Variants in SLC29A2 observed in about 807,000 individuals in gnomAD.
SLC29A2 encodes the protein solute carrier family 29 member 2.
Under a neutral mutation model 48.8 loss-of-function variants are expected in SLC29A2, and 37 were observed. The observed-to-expected ratio is 0.76, with a 90% CI of 0.58 to 1.00. The LOEUF is 1.00. Ranked by LOEUF, SLC29A2 falls within the 50% of genes least tolerant of loss-of-function variation. The pLI is 0.00. For synonymous variants in SLC29A2, 233 were observed against 261.7 expected (o/e 0.89, Z 1.06); for missense variants, 533 against 578.6 (o/e 0.92, Z 0.81).
In SLC29A2 at chr11:66,368,597, GGAA is replaced by G. The variant is rs1855843831; in HGVS notation, c.487_489del (p.Phe163del). The G allele has an allele frequency of 6.2e-7, 1 of 1,610,214 alleles. No homozygotes were observed. The highest frequency in any genetic ancestry group is 1.3e-5 in the African/African-American group (1 of 74,894). ...ATCCCAGCCAGGCCCTGGCCGCTGA[GGAA>G]GAGGGTGCTGTAGGTGGAGGGCATG... is the stretch of plus-strand genomic sequence containing the variant. On this transcript the variant is annotated inframe_deletion, in exon 5 of 12. Coordinates refer to ENST00000357440, the MANE Select transcript of SLC29A2 (RefSeq NM_001532.3).
At chr11:66,369,284 T>A in intron 3 of SLC29A2, 85 bp from the exon 4 acceptor site, 2 of 1,596,958 alleles carry the variant, frequency 1.3e-6, no homozygotes, top group Non-Finnish European at 1.7e-6. Context: ...GGCTGGGCAG[T>A]AGGGCTGGGG....
chr11:66,363,756 G>T, intron 11 of SLC29A2: 1 of 587,090 alleles, frequency 1.7e-6, no homozygotes, highest in Non-Finnish European at 3.1e-6. Flanking sequence ...AACATGATGG[G>T]ATTCCAGATT....
upstream of SLC29A2, chr11:66,372,087 C>A (rs1856087727): frequency 6.4e-6 from 1 of 155,914 alleles, no homozygotes; most frequent in African/African-American, 2.4e-5. Context: ...CGAGGTGATG[C>A]CAGAGCCGCT....
In SLC29A2 at chr11:66,369,161, G is replaced by A. The variant is rs1228002214; in HGVS notation, c.314C>T (p.Ala105Val). Reference sequence around the variant, plus strand: ...TGTCAGGGCAAAGAGCAGCAGTATGGCCAGCAGGCTGCCCAGAATGCGCAC... The same window carrying A: ...TGTCAGGGCAAAGAGCAGCAGTATGACCAGCAGGCTGCCCAGAATGCGCAC... ...ETVRILGSLL[A>V]ILLLFALTAA... The change falls in exon 4 of 12, where the codon GCC becomes GTC. Residue 105 changes from alanine to valine, a missense_variant. By Grantham distance (64) the Ala-to-Val change is moderately conservative (BLOSUM62 0). Transcript: ENST00000357440. The A allele has an allele frequency of 6.3e-7, 1 of 1,578,360 alleles. No individual in the cohort carries two copies. The highest frequency in any genetic ancestry group is 2.3e-5 in the East Asian group (1 of 42,800).
chr11:66,367,551 G>A lies in SLC29A2; in HGVS notation c.649-3C>T, dbSNP rs1855774546. On this transcript the variant is annotated splice_polypyrimidine_tract_variant and splice_region_variant and intron_variant, in intron 6 of 11. Transcript: ENST00000357440. ...GCCAGGTAGTAGCGGGCAAACTTCT[G>A]CAGAAGGACAGGAAAGTGTTGGGCC... The A allele has an allele frequency of 1.2e-6, 2 of 1,614,058 alleles. No individual in the cohort carries two copies. The highest frequency in any genetic ancestry group is 1.7e-6 in the Non-Finnish European group (2 of 1,179,914).
rs760087374 is a variant in SLC29A2 at position 66,363,397 on chromosome 11, C to A, written c.*39G>T. ...GCTGGATCTCAGCTCCGGAAGGAGA[C>A]GTCGAGAAGAGGCTGCCAAAGAGCC... On this transcript the variant is annotated 3_prime_UTR_variant, in exon 12 of 12. Transcript: ENST00000357440. 1 of 1,491,474 alleles carries A rather than the reference C, an allele frequency of 6.7e-7. No homozygotes were observed. The highest frequency in any genetic ancestry group is 2.3e-5 in the East Asian group (1 of 44,202). 92.4% of individuals were successfully genotyped at this position (1,491,474 alleles called of 1,614,324 possible).
At chr11:66,364,448 A>G (rs1855551795) in intron 10 of SLC29A2, 24 bp from the exon 11 acceptor site, 1 of 1,589,724 alleles carries the variant, frequency 6.3e-7, no homozygotes, top group Non-Finnish European at 8.6e-7. Context: ...TGAAGTCAGC[A>G]TGGTCCCTGG....
Position 66,369,467 on chromosome 11 carries a change from C to G in SLC29A2, c.177G>C (p.Thr59=). 4.3e-6 allele frequency: 7 copies of G among 1,614,058 alleles called. No individual in the cohort carries two copies. The East Asian group carries it at 1.3e-4, about 31-fold the overall frequency. ...STARILSTNH[T]GPEDAFNFNN... is the part of the protein sequence containing the mutation. ...TGAAGTTGAAGGCATCCTCGGGACCCGTGTGGTTGGTGCTCAGGATCCTGG... is the reference window on the plus strand; with the variant it reads ...TGAAGTTGAAGGCATCCTCGGGACCGGTGTGGTTGGTGCTCAGGATCCTGG... Residue 59 remains threonine, a synonymous_variant, in exon 3 of 12, where the codon ACG becomes ACC. Coordinates refer to ENST00000357440, the MANE Select transcript of SLC29A2 (RefSeq NM_001532.3).
chr11:66,366,405 G>C (rs965147344), intron 8 of SLC29A2, 26 bp downstream of exon 8: 8 of 1,614,030 alleles, frequency 5.0e-6, no homozygotes, highest in Non-Finnish European at 6.8e-6. Context: ...CAAAGATGGT[G>C]GTTGGGGGCT....
At chr11:66,364,121 G>C (rs1855526940) in intron 11 of SLC29A2, 104 bp downstream of exon 11, 1 of 987,550 alleles carries the variant, frequency 1.0e-6, no homozygotes, top group Non-Finnish European at 1.5e-6. Flanking sequence ...GGTTGGGCTG[G>C]CCAGAAGCAG....
At position 66,367,752 on chromosome 11, in the gene SLC29A2, G is replaced by A. The variant is rs377492899; in HGVS notation, c.648+20C>T. On this transcript the variant is annotated intron_variant, in intron 6 of 11. Coordinates refer to ENST00000357440, the MANE Select transcript of SLC29A2 (RefSeq NM_001532.3). ...CCAAGATGCTTTGAGGTGGGGCCTCGAGCCCAACAGCAGGCTCACCAGGTG... is the reference window on the plus strand; with the variant it reads ...CCAAGATGCTTTGAGGTGGGGCCTCAAGCCCAACAGCAGGCTCACCAGGTG... The A allele has an allele frequency of 8.7e-6, 14 of 1,608,436 alleles. No homozygotes were observed. In the Admixed American group the frequency reaches 1.7e-4, roughly 19 times the overall value.
chr11:66,362,874 G>T lies in SLC29A2; in HGVS notation c.*562C>A. On this transcript the variant is annotated 3_prime_UTR_variant, in exon 12 of 12. Coordinates refer to ENST00000357440, the MANE Select transcript of SLC29A2 (RefSeq NM_001532.3). ...CATGCAGGCTAGCTGTGGCCCTGGG[G>T]CCCAGGCCCAGCTGGGCTCTGCGGA... The T allele has an allele frequency of 5.5e-6, 1 of 180,408 alleles. No individual in the cohort carries two copies. Among genetic ancestry groups the T allele is most frequent in the Non-Finnish European group, 1.2e-5 (1 of 84,288 alleles). The allele number at this position is 180,408 out of a possible 1,614,324, so 11.2% of individuals were successfully genotyped here.
At position 66,367,477 on chromosome 11, in the gene SLC29A2, C is replaced by G. The variant is rs773224382; in HGVS notation, c.720G>C (p.Glu240Asp). ...AQAQELETKA[E>D]LLQSDENGIP... ...CTCAGGGCTTACCAGACTGGAGGAG[C>G]TCAGCTTTGGTCTCCAGCTCCTGAG... is the stretch of plus-strand genomic sequence containing the variant. Residue 240 changes from glutamate to aspartate, a missense_variant, in exon 7 of 12, where the codon GAG becomes GAC. Glu to Asp is a conservative substitution (Grantham distance 45). Coordinates refer to ENST00000357440, the MANE Select transcript of SLC29A2 (RefSeq NM_001532.3). The G allele has an allele frequency of 1.1e-5, 18 of 1,614,028 alleles. No homozygotes were observed. The highest frequency in any genetic ancestry group is 1.6e-4 in the Middle Eastern group (1 of 6,084).
At chr11:66,369,632 T>C (rs1657055956) in intron 2 of SLC29A2, 100 bp from the exon 3 acceptor site, 3 of 1,379,954 alleles carry the variant, frequency 2.2e-6, no homozygotes, top group African/African-American at 1.4e-5. Flanking sequence ...TGGGGACTTG[T>C]CTGCCTTGTC....
upstream of SLC29A2, chr11:66,371,904 T>G: frequency 2.2e-6 from 1 of 452,866 alleles, no homozygotes; most frequent in African/African-American, 2.1e-5. Flanking sequence ...ACCCGCCCGC[T>G]CCCCGCACAG....
rs1319699925 is a variant in SLC29A2 at position 66,369,165 on chromosome 11, G to A, written c.310C>T (p.Leu104=). 1.3e-6 allele frequency: 2 copies of A among 1,577,622 alleles called. No homozygotes were observed. The highest frequency in any genetic ancestry group is 1.9e-5 in the Admixed American group (1 of 53,942). ...PETVRILGSL[L]AILLLFALTA... is the part of the protein sequence containing the mutation. ...AGGGCAAAGAGCAGCAGTATGGCCA[G>A]CAGGCTGCCCAGAATGCGCACCGTC... Residue 104 remains leucine, a synonymous_variant, in exon 4 of 12, where the codon CTG becomes TTG. Transcript: ENST00000357440.
At chr11:66,370,183 A>G (rs115267613) in intron 2 of SLC29A2, among the ~76,000 whole-genome samples, 1,642 of 151,840 alleles carry the variant, frequency 0.011, 27 homozygotes, top group African/African-American at 0.038. Flanking sequence ...TACTGACCAC[A>G]CCCCTCCACA....
At chr11:66,371,864 C>G (rs975262873), upstream of SLC29A2, 1 of 529,958 alleles carries the variant, frequency 1.9e-6, no homozygotes, top group Middle Eastern at 5.0e-4. Context: ...GACTCTGGCT[C>G]GGGCCCCGCC....
chr11:66,367,577 T>C (rs1855776822), intron 6 of SLC29A2, 29 bp from the exon 7 acceptor site: 1 of 1,608,632 alleles, frequency 6.2e-7, no homozygotes, highest in Non-Finnish European at 8.5e-7. Context: ...GTGTTGGGCC[T>C]GCCTGGCTTG....
Sources: allele counts gnomAD v4.1 joint callset (sites outside exome capture counted in the v4.1 genomes callset), GRCh38; gene constraint gnomAD v4.1.1; transcripts MANE v1.5; gene names NCBI Gene and HGNC (gene_info 2026-07-23, HGNC 2026-07-21).